Variants in UBE3A observed in about 807,000 individuals in gnomAD.
The protein encoded by UBE3A is ubiquitin protein ligase E3A.
In UBE3A, 6 loss-of-function variants were observed where a neutral mutation model predicts 83.4. The observed-to-expected ratio is 0.07, with a 90% CI of 0.04 to 0.14. The LOEUF is 0.14. Among genes scored for constraint, UBE3A ranks in the 10% least tolerant of loss-of-function variants. The probability of loss-of-function intolerance (pLI) is 1.00; values close to 1 mark genes in which losing one functional copy is unlikely to be tolerated. For missense variants in UBE3A, 456 were observed against 1,036.1 expected (o/e 0.44, Z 7.69); for synonymous variants, 337 against 355.4 (o/e 0.95, Z 0.58).
intron 3 of UBE3A, among the ~76,000 whole-genome samples, chr15:25,406,860 A>AG (rs2088715580): frequency 2.0e-5 from 3 of 151,052 alleles, no homozygotes; most frequent in Admixed American, 1.3e-4. Flanking sequence ...GAAAAGGAAA[A>AG]AAAAAAAAAA....
At chr15:25,362,278 G>A (rs1306629063) in intron 6 of UBE3A, among the ~76,000 whole-genome samples, 1 of 152,140 alleles carries the variant, frequency 6.6e-6, no homozygotes, top group Non-Finnish European at 1.5e-5. Context: ...AATAATGTCT[G>A]TTGTTGTTCA....
chr15:25,415,510 A>T (rs2090729001), intron 1 of UBE3A, among the ~76,000 whole-genome samples: 1 of 152,034 alleles, frequency 6.6e-6, no homozygotes, highest in African/African-American at 2.4e-5. Flanking sequence ...TTCACTCGGA[A>T]ATGGTCCTCT....
chr15:25,397,476 C>T (rs1296365934), intron 4 of UBE3A, among the ~76,000 whole-genome samples: 3 of 152,130 alleles, frequency 2.0e-5, no homozygotes, highest in East Asian at 3.9e-4. Flanking sequence ...AACCCAGAGG[C>T]TTTCTGAAGA....
At chr15:25,429,479 T>C (rs1892417434) in intron 1 of UBE3A, among the ~76,000 whole-genome samples, 2 of 152,204 alleles carry the variant, frequency 1.3e-5, no homozygotes, top group African/African-American at 4.8e-5. Context: ...TCCAAGCTGA[T>C]AATTACCTTG....
chr15:25,422,187 G>C (rs1051344259), intron 1 of UBE3A, among the ~76,000 whole-genome samples: 31 of 152,112 alleles, frequency 2.0e-4, no homozygotes, highest in Non-Finnish European at 4.0e-4. Context: ...GCATGGAAGA[G>C]TACATGTTAC....
At chr15:25,374,324 T>G (rs1031389922) in intron 5 of UBE3A, 1 of 152,306 alleles carries the variant, frequency 6.6e-6, no homozygotes, top group Non-Finnish European at 1.5e-5. Context: ...GATGAGCACA[T>G]TCCTCATGTA....
At chr15:25,354,295 C>CA in intron 11 of UBE3A, 58 bp downstream of exon 11, 1 of 1,543,478 alleles carries the variant, frequency 6.5e-7, no homozygotes, top group Admixed American at 1.7e-5. Flanking sequence ...AGGTCTGAAG[C>CA]AAAATCACAC....
chr15:25,364,936 G>A (rs1270927032), intron 6 of UBE3A, among the ~76,000 whole-genome samples: 4 of 151,916 alleles, frequency 2.6e-5, no homozygotes, highest in African/African-American at 9.7e-5. Context: ...GTGAGCCACC[G>A]CGCCAGGCCA....
rs1007592205 is a variant in UBE3A, at chr15:25,350,352, G to A, written c.2354+4001C>T. On this transcript the variant is annotated intron_variant, in intron 11 of 12. Coordinates refer to ENST00000648336, the MANE Select transcript of UBE3A (RefSeq NM_130839.5). The stretch of plus-strand genomic sequence containing the variant: ...AACCAACTCTCCCTGCCCTGCACCC[G>A]CCAACACACACATACATCAAAAACC... 3.4e-5 allele frequency among the ~76,000 whole-genome samples: 5 copies of A among 149,154 alleles called. No individual in the cohort carries two copies. The South Asian group carries it at 8.4e-4, about 25-fold the overall frequency.
At chr15:25,421,709 A>G (rs556855811) in intron 1 of UBE3A, among the ~76,000 whole-genome samples, 3 of 152,270 alleles carry the variant, frequency 2.0e-5, no homozygotes, top group South Asian at 2.1e-4. Flanking sequence ...TTAAAATGGT[A>G]TATTTGATGT....
chr15:25,420,247 G>A (rs953405523), intron 1 of UBE3A, among the ~76,000 whole-genome samples: 4 of 152,108 alleles, frequency 2.6e-5, no homozygotes, highest in African/African-American at 9.7e-5. Flanking sequence ...AACATTACCA[G>A]CGATAAACAG....
chr15:25,339,335 T>TTAGA (rs2074334081), intron 12 of UBE3A, 78 bp from the exon 13 acceptor site: 1 of 1,555,870 alleles, frequency 6.4e-7, no homozygotes. Context: ...GCTCCTATTT[T>TTAGA]TAGATTGTAT....
intron 1 of UBE3A, among the ~76,000 whole-genome samples, chr15:25,435,924 G>A (rs1377573075): frequency 1.3e-5 from 2 of 152,182 alleles, no homozygotes; most frequent in Non-Finnish European, 2.9e-5. Context: ...AACTGGATAG[G>A]AAGATTTCTA....
intron 1 of UBE3A, among the ~76,000 whole-genome samples, chr15:25,417,377 A>G (rs1333353090): frequency 6.6e-6 from 1 of 152,098 alleles, no homozygotes; most frequent in Admixed American, 6.6e-5. Context: ...AAATCTAGAC[A>G]CCCAACAACA....
intron 11 of UBE3A, 139 bp downstream of exon 11, chr15:25,354,214 C>A: frequency 1.3e-6 from 1 of 741,842 alleles, no homozygotes; most frequent in Non-Finnish European, 2.3e-6. Flanking sequence ...GATTATATTA[C>A]AAATACAAAT....
chr15:25,395,423 A>G (rs557796932), intron 4 of UBE3A, among the ~76,000 whole-genome samples: 42 of 152,344 alleles, frequency 2.8e-4, no homozygotes, highest in African/African-American at 9.9e-4. Context: ...CAGAGTAAAC[A>G]GAAGTATAAT....
At chr15:25,341,268 C>T (rs1255335452) in intron 11 of UBE3A, among the ~76,000 whole-genome samples, 1 of 151,610 alleles carries the variant, frequency 6.6e-6, no homozygotes, top group Admixed American at 6.6e-5. Flanking sequence ...GGCAGGATTT[C>T]ACCATGTTAG....
intron 6 of UBE3A, among the ~76,000 whole-genome samples, chr15:25,362,714 T>A (rs367911619): frequency 3.5e-4 from 53 of 152,300 alleles, no homozygotes; most frequent in East Asian, 2.5e-3. Flanking sequence ...AGACTAAAAT[T>A]AGAATTAACA....
intron 1 of UBE3A, among the ~76,000 whole-genome samples, chr15:25,427,295 G>A (rs999056360): frequency 6.6e-6 from 1 of 151,890 alleles, no homozygotes; most frequent in African/African-American, 2.4e-5. Context: ...ACCAATGAGT[G>A]CAAAAAGAAA....
Sources: allele counts gnomAD v4.1 joint callset (sites outside exome capture counted in the v4.1 genomes callset), GRCh38; gene constraint gnomAD v4.1.1; transcripts MANE v1.5; gene names NCBI Gene and HGNC (gene_info 2026-07-23, HGNC 2026-07-21).